The following GFRAL variants were observed in gnomAD, a reference collection of about 807,000 sequenced individuals.
The protein encoded by GFRAL is GDNF family receptor alpha like.
A neutral mutation model predicts 45.4 loss-of-function variants in GFRAL; 36 were observed. The observed-to-expected ratio is 0.79, with a 90% CI of 0.61 to 1.05. The LOEUF (loss-of-function observed/expected upper bound fraction) is 1.05. Among genes scored for constraint, GFRAL ranks in the 50% least tolerant of loss-of-function variants. The pLI, the probability that GFRAL is intolerant of heterozygous loss-of-function variation, is 0.00. For synonymous variants in GFRAL, 166 were observed against 154.1 expected, an observed-to-expected ratio of 1.08 and a Z score of -0.57; for missense variants, 507 against 467.5, an observed-to-expected ratio of 1.08 and a Z score of -0.78.
chr6:55,396,728 T>C (rs1003768657), intron 6 of GFRAL, among the ~76,000 whole-genome samples: 2 of 152,156 alleles, frequency 1.3e-5, no homozygotes, highest in African/African-American at 2.4e-5. Context: ...AAAAGTATTA[T>C]TTAAAATTTC....
Position 55,346,830 on chromosome 6 carries a change from AT to A in GFRAL, c.317-3261del, listed in dbSNP as rs1554187941. ...TATCAGTACAAAAAATAAACAAGAAATCCCCCCCCCCCAAAAAAAAGAAAAA... is the reference window on the plus strand; with the variant it reads ...TATCAGTACAAAAAATAAACAAGAAACCCCCCCCCCCAAAAAAAAGAAAAA... On this transcript the variant is annotated intron_variant, in intron 3 of 8. Coordinates refer to ENST00000340465, the MANE Select transcript of GFRAL (RefSeq NM_207410.2). Among the ~76,000 whole-genome samples the A allele has an allele frequency of 5.3e-4, 32 of 60,724 alleles. 1 individual carries two copies. In the South Asian group the frequency reaches 8.7e-3, roughly 16 times the overall value. 39.8% of individuals were successfully genotyped at this position (60,724 alleles called of 152,430 possible). A position where few individuals can be genotyped will look rare whatever the true frequency, so the allele number is the denominator to read the frequency against.
rs201482266 is a variant in GFRAL, at chr6:55,333,806, A to T, written c.178A>T (p.Met60Leu). ...NDSDPGDPCKMRNSSYCNLSI... is the reference protein window; with the variant it reads ...NDSDPGDPCKLRNSSYCNLSI... The stretch of plus-strand genomic sequence containing the variant: ...GTGAGATCCAGGTGACCCCTGCAAG[A>T]TGAGGAATTCATCATACTGTAACCT... Residue 60 changes from methionine (M) to leucine (L), a missense_variant, in exon 3 of 9, where the codon ATG (methionine) becomes TTG (leucine). Physicochemically the swap from Met to Leu is conservative, Grantham distance 15. Transcript: ENST00000340465. 61 of 1,598,956 alleles carry T rather than the reference A, an allele frequency of 3.8e-5. 1 individual carries two copies. The East Asian group carries it at 4.0e-4, about 11-fold the overall frequency.
At chr6:55,379,795 T>C (rs1768582945) in intron 6 of GFRAL, among the ~76,000 whole-genome samples, 1 of 151,922 alleles carries the variant, frequency 6.6e-6, no homozygotes, top group Non-Finnish European at 1.5e-5. Flanking sequence ...TATGCATCCT[T>C]TGACCAATAT....
chr6:55,395,325 G>A (rs116349245), intron 6 of GFRAL, among the ~76,000 whole-genome samples: 6,400 of 151,392 alleles, frequency 0.042, 197 homozygotes, highest in African/African-American at 0.073. Context: ...TTCATTGAAA[G>A]TATTCCATAC....
chr6:55,398,207 C>T (rs1321347409), intron 6 of GFRAL, among the ~76,000 whole-genome samples: 2 of 152,150 alleles, frequency 1.3e-5, no homozygotes, highest in African/African-American at 4.8e-5. Context: ...TAGTTTTCAT[C>T]GGATGTAATA....
At chr6:55,367,699 G>A (rs1768384548) in intron 6 of GFRAL, among the ~76,000 whole-genome samples, 1 of 149,324 alleles carries the variant, frequency 6.7e-6, no homozygotes, top group Non-Finnish European at 1.5e-5. Flanking sequence ...CTTCACTTAT[G>A]AAGCTTAGTT....
At chr6:55,375,425 G>A (rs966861285) in intron 6 of GFRAL, among the ~76,000 whole-genome samples, 1 of 152,084 alleles carries the variant, frequency 6.6e-6, no homozygotes, top group East Asian at 1.9e-4. Flanking sequence ...CTCTCTGCTT[G>A]TCTGTTGTTT....
intron 3 of GFRAL, among the ~76,000 whole-genome samples, chr6:55,347,636 A>C (rs1298987769): frequency 6.6e-6 from 1 of 152,166 alleles, no homozygotes; most frequent in Non-Finnish European, 1.5e-5. Flanking sequence ...GGAAGCTACA[A>C]AGCTGGAAAA....
intron 3 of GFRAL, among the ~76,000 whole-genome samples, chr6:55,341,613 C>T (rs1767966455): frequency 6.6e-6 from 1 of 152,148 alleles, no homozygotes; most frequent in South Asian, 2.1e-4. Context: ...AAAATCAGAG[C>T]AACTCTCCCC....
intron 6 of GFRAL, among the ~76,000 whole-genome samples, chr6:55,366,286 AT>A (rs1272886619): frequency 1.3e-5 from 2 of 151,886 alleles, no homozygotes; most frequent in African/African-American, 2.4e-5. Context: ...CGGTAGTGAC[AT>A]CCCCTTTATC....
chr6:55,364,160 G>A (rs1581913556), intron 6 of GFRAL, among the ~76,000 whole-genome samples: 1 of 151,050 alleles, frequency 6.6e-6, no homozygotes, highest in East Asian at 1.9e-4. Context: ...TCTCATTGTG[G>A]TTTTGATTTG....
chr6:55,335,895 C>CTTTATTTTATTTTAT (rs143794858), intron 3 of GFRAL, among the ~76,000 whole-genome samples: 4,698 of 147,748 alleles, frequency 0.032, 81 homozygotes, highest in African/African-American at 0.038. Flanking sequence ...ATTTCTTTGT[C>CTTTATTTTATTTTAT]TTTATTTTAT....
chr6:55,368,631 C>G (rs1462478549), intron 6 of GFRAL, among the ~76,000 whole-genome samples: 1 of 152,076 alleles, frequency 6.6e-6, no homozygotes, highest in Admixed American at 6.5e-5. Context: ...GTGTGGATGT[C>G]CTTTCTGTTT....
chr6:55,349,162 T>C (rs192969401), intron 3 of GFRAL, among the ~76,000 whole-genome samples: 61 of 152,006 alleles, frequency 4.0e-4, no homozygotes, highest in African/African-American at 1.4e-3. Flanking sequence ...TTGGACAATA[T>C]AAGGAGTCTG....
chr6:55,365,331 G>A (rs1045347239), intron 6 of GFRAL, among the ~76,000 whole-genome samples: 2 of 140,898 alleles, frequency 1.4e-5, no homozygotes, highest in Non-Finnish European at 3.1e-5. Flanking sequence ...AGCTTAAGAA[G>A]ATTTTGGGCT....
At chr6:55,362,410 C>T (rs996208349) in intron 6 of GFRAL, among the ~76,000 whole-genome samples, 7 of 151,940 alleles carry the variant, frequency 4.6e-5, no homozygotes, top group African/African-American at 1.7e-4. Flanking sequence ...ACTGAAGAGC[C>T]CTTATCTGGT....
At chr6:55,391,513 G>A (rs893234507) in intron 6 of GFRAL, among the ~76,000 whole-genome samples, 3 of 152,166 alleles carry the variant, frequency 2.0e-5, no homozygotes, top group Non-Finnish European at 4.4e-5. Flanking sequence ...AGCTTTGGGA[G>A]GCCAAGGTAA....
chr6:55,351,607 A>T (rs777594493), intron 5 of GFRAL, 24 bp downstream of exon 5: 2 of 1,549,376 alleles, frequency 1.3e-6, no homozygotes, highest in Non-Finnish European at 1.8e-6. Flanking sequence ...CTCATACCTT[A>T]CTTTCTTATT....
chr6:55,351,470 A>G lies in GFRAL; in HGVS notation c.588A>G (p.Ile196Met). ...TTTGTGACTGTGCTCAATCTGATAT[A>G]CCTTGTCAGCAGTCCAAAGAAGCTC... ...LAFCDCAQSD[I>M]PCQQSKEALH... is the part of the protein sequence containing the mutation. The change falls in exon 5 of 9, where the codon ATA (isoleucine) becomes ATG (methionine). Residue 196 changes from isoleucine to methionine, a missense_variant. Ile to Met is a conservative substitution (Grantham distance 10). Transcript: ENST00000340465. 2 of 1,613,500 alleles carry G rather than the reference A, an allele frequency of 1.2e-6. No homozygotes were observed. Among genetic ancestry groups the G allele is most frequent in the Non-Finnish European group, 1.7e-6 (2 of 1,179,616 alleles).
Sources: gnomAD v4.1 joint callset for allele counts (sites outside exome capture counted in the v4.1 genomes callset) on GRCh38, gnomAD v4.1.1 for gene constraint, MANE v1.5 for transcripts, NCBI Gene and HGNC (gene_info 2026-07-23, HGNC 2026-07-21) for gene names.